The following SIPA1L3 variants were observed in gnomAD, a reference collection of about 807,000 sequenced individuals.
SIPA1L3 encodes signal induced proliferation associated 1 like 3.
A neutral mutation model predicts 150.1 loss-of-function variants in SIPA1L3; 59 were observed. That is an observed-to-expected ratio of 0.39 (90% CI 0.32 to 0.49). The LOEUF is 0.49. SIPA1L3 is among the 20% of genes least tolerant of loss of function. The pLI, the probability that SIPA1L3 is intolerant of heterozygous loss-of-function variation, is 0.86. For synonymous variants in SIPA1L3, 1,070 were observed against 1,077.6 expected (o/e 0.99, Z 0.14); for missense variants, 2,211 against 2,489.5 (o/e 0.89, Z 2.38).
At chr19:38,142,743 G>C (rs1181841780) in intron 12 of SIPA1L3, 33 bp downstream of exon 12, 15 of 1,596,294 alleles carry the variant, frequency 9.4e-6, no homozygotes, top group Non-Finnish European at 1.3e-5. Flanking sequence ...CATGTTAAGG[G>C]ATCTGATGAA....
rs1261404059 is a variant in SIPA1L3, at chr19:38,141,329, A to C, written c.3289A>C (p.Lys1097Gln). ...PASHNSLPAS[K>Q]WATPTTPGHA... ...ATCCCATAACTCTCTACCAGCCTCC[A>C]AGTGGGCCACTCCAACCACTCCCGG... Residue 1097 changes from lysine to glutamine, a missense_variant, in exon 11 of 22, where the codon AAG (lysine) becomes CAG (glutamine). Around this residue, in one of 5 missense-constraint regions of SIPA1L3, gnomAD observed 806 missense variants for 870.1 expected, o/e 0.93. Transcript: ENST00000222345. The C allele has an allele frequency of 1.9e-6, 3 of 1,613,932 alleles. No homozygotes were observed. Among genetic ancestry groups the C allele is most frequent in the Non-Finnish European group, 2.5e-6 (3 of 1,179,950 alleles).
At chr19:38,201,607 A>T (rs1973088941) in intron 19 of SIPA1L3, among the ~76,000 whole-genome samples, 1 of 152,220 alleles carries the variant, frequency 6.6e-6, no homozygotes, top group African/African-American at 2.4e-5. Context: ...TGGCTTCTTC[A>T]GCCCTTGCGT....
intron 10 of SIPA1L3, among the ~76,000 whole-genome samples, chr19:38,140,783 C>T (rs1465629137): frequency 2.6e-5 from 4 of 152,198 alleles, no homozygotes; most frequent in East Asian, 1.9e-4. Context: ...CCCAGCCGGG[C>T]GCGGTGGCTC....
intron 13 of SIPA1L3, 76 bp from the exon 14 acceptor site, chr19:38,162,177 T>A (rs2145980049): frequency 3.5e-6 from 4 of 1,145,088 alleles, no homozygotes; most frequent in African/African-American, 3.0e-5. Flanking sequence ...GCAGACAGTC[T>A]GGCAAAGGGT....
rs1188171109 is a variant in SIPA1L3, at chr19:38,005,486, C to A, written c.-378-23603C>A. 5.3e-5 allele frequency among the ~76,000 whole-genome samples: 8 copies of A among 152,106 alleles called. No individual in the cohort carries two copies. In the East Asian group the frequency reaches 1.5e-3, roughly 29 times the overall value. On this transcript the variant is annotated intron_variant, in intron 1 of 21. Coordinates refer to ENST00000222345, the MANE Select transcript of SIPA1L3 (RefSeq NM_015073.3). Reference sequence around the variant, plus strand: ...CCCACCGTGCTGCCCACTACCCCTGCCCTTCTGGCCTGGCTGATGCCGACT... The same window carrying A: ...CCCACCGTGCTGCCCACTACCCCTGACCTTCTGGCCTGGCTGATGCCGACT...
chr19:38,002,393 A>C (rs1196488714), intron 1 of SIPA1L3, among the ~76,000 whole-genome samples: 1 of 152,180 alleles, frequency 6.6e-6, no homozygotes, highest in African/African-American at 2.4e-5. Context: ...ATGAGGCTAA[A>C]TAATATTCCA....
intron 2 of SIPA1L3, among the ~76,000 whole-genome samples, chr19:38,066,109 C>T (rs1181192627): frequency 6.6e-6 from 1 of 151,440 alleles, no homozygotes; most frequent in African/African-American, 2.4e-5. Context: ...AACTCCTGGG[C>T]TCAGGTGATC....
chr19:38,177,797 A>C (rs1468644315), intron 15 of SIPA1L3, among the ~76,000 whole-genome samples: 1 of 152,178 alleles, frequency 6.6e-6, no homozygotes, highest in African/African-American at 2.4e-5. Context: ...AGGTCGAGGC[A>C]GGTGGATCAC....
chr19:38,187,814 A>G (rs1032586879), intron 16 of SIPA1L3, among the ~76,000 whole-genome samples: 24 of 151,842 alleles, frequency 1.6e-4, no homozygotes, highest in Non-Finnish European at 2.8e-4. Context: ...CCTGACCAAC[A>G]TAGTGAAACC....
At chr19:38,007,872 C>T (rs1967994286) in intron 1 of SIPA1L3, among the ~76,000 whole-genome samples, 1 of 152,098 alleles carries the variant, frequency 6.6e-6, no homozygotes, top group Non-Finnish European at 1.5e-5. Context: ...CTGTCTTCTG[C>T]TTTATTTTTC....
intron 19 of SIPA1L3, chr19:38,200,482 G>C (rs909487462): frequency 6.6e-6 from 1 of 152,308 alleles, no homozygotes; most frequent in East Asian, 1.9e-4. Flanking sequence ...ACTCGGGTTT[G>C]TGAATAGCCA....
intron 15 of SIPA1L3, among the ~76,000 whole-genome samples, chr19:38,181,863 AG>A (rs1555795272): frequency 1.4e-5 from 2 of 145,866 alleles, no homozygotes; most frequent in Admixed American, 1.4e-4. Flanking sequence ...AAAAAAAAAA[AG>A]GTTAAGGGCC....
At chr19:38,086,597 C>A (rs1037435822) in intron 3 of SIPA1L3, among the ~76,000 whole-genome samples, 1 of 152,104 alleles carries the variant, frequency 6.6e-6, no homozygotes, top group African/African-American at 2.4e-5. Flanking sequence ...ATGGGAGGAT[C>A]GCTTCAGCCC....
At chr19:38,194,047 G>A (rs1023125642) in intron 18 of SIPA1L3, among the ~76,000 whole-genome samples, 2 of 152,116 alleles carry the variant, frequency 1.3e-5, no homozygotes, top group Non-Finnish European at 2.9e-5. Context: ...TGAGACCAGA[G>A]AAGAAGTCCA....
intron 9 of SIPA1L3, among the ~76,000 whole-genome samples, chr19:38,127,687 T>G (rs998659790): frequency 3.3e-5 from 5 of 151,752 alleles, no homozygotes; most frequent in African/African-American, 7.3e-5. Flanking sequence ...TTAGTAGAGA[T>G]GAAGTCTTGC....
intron 2 of SIPA1L3, among the ~76,000 whole-genome samples, chr19:38,058,022 A>G (rs1969362359): frequency 6.6e-6 from 1 of 151,982 alleles, no homozygotes; most frequent in Non-Finnish European, 1.5e-5. Context: ...CACTGGGAAC[A>G]TTAAAAAAGA....
chr19:37,991,236 A>G (rs1320234074), intron 1 of SIPA1L3, among the ~76,000 whole-genome samples: 3 of 151,966 alleles, frequency 2.0e-5, no homozygotes, highest in Non-Finnish European at 4.4e-5. Flanking sequence ...TGTCTCAAAA[A>G]AGAAAGAAAG....
At chr19:38,130,947 C>G in intron 10 of SIPA1L3, 175 bp downstream of exon 10, 4 of 653,996 alleles carry the variant, frequency 6.1e-6, no homozygotes, top group South Asian at 6.0e-5. Context: ...AGAGCGCTTA[C>G]TGTATGCCAG....
intron 8 of SIPA1L3, among the ~76,000 whole-genome samples, chr19:38,118,781 G>A (rs1483068356): frequency 6.6e-5 from 10 of 152,174 alleles, no homozygotes; most frequent in East Asian, 1.9e-4. Flanking sequence ...TGATCTGCCC[G>A]CCTCAGCCTC....
Sources: gnomAD v4.1 joint callset for allele counts (sites outside exome capture counted in the v4.1 genomes callset) on GRCh38, gnomAD v4.1.1 for gene constraint, gnomAD v4.1.1 regional missense constraint, MANE v1.5 for transcripts, NCBI Gene and HGNC (gene_info 2026-07-23, HGNC 2026-07-21) for gene names.